The following SEC24A variants were observed in gnomAD, a reference collection of about 807,000 sequenced individuals.
SEC24A encodes protein transport protein Sec24A.
A neutral mutation model predicts 129.4 loss-of-function variants in SEC24A; 93 were observed. The ratio of observed to expected loss-of-function variants is 0.72; its 90% CI spans 0.61 to 0.85. The LOEUF is 0.85. Among genes scored for constraint, SEC24A ranks in the 40% least tolerant of loss-of-function variants. The pLI is 0.00. For missense variants in SEC24A, 1,264 were observed against 1,307.4 expected (o/e 0.97, Z 0.51); for synonymous variants, 460 against 467.3 (o/e 0.98, Z 0.20).
chr5:134,705,503 G>C lies in SEC24A; in HGVS notation c.2551+66G>C, dbSNP rs148628074. On this transcript the variant is annotated intron_variant, in intron 17 of 22. Coordinates refer to ENST00000398844, the MANE Select transcript of SEC24A (RefSeq NM_021982.3). ...ACATTAGGCACATCCAAACAGTTTT[G>C]TTTTCCTTTAAATAGTTAGCTTTAT... The C allele has an allele frequency of 5.8e-4, 619 of 1,061,692 alleles. 1 individual carries two copies. Among genetic ancestry groups the C allele is most frequent in the African/African-American group, 4.3e-3 (272 of 63,180 alleles). The allele number at this position is 1,061,692 out of a possible 1,614,324, so 65.8% of individuals were successfully genotyped here.
chr5:134,727,367 G>A lies in SEC24A; in HGVS notation c.*2273G>A, dbSNP rs1437738243. 6.6e-6 allele frequency: 1 copy of A among 152,426 alleles called. No individual in the cohort carries two copies. The highest frequency in any genetic ancestry group is 1.5e-5 in the Non-Finnish European group (1 of 67,980). 9.4% of individuals were successfully genotyped at this position (152,426 alleles called of 1,614,324 possible). A position where few individuals can be genotyped will look rare whatever the true frequency, so the allele number is the denominator to read the frequency against. ...GAGCATGGCAGTTCTACCATAAAAA[G>A]TACTCTATTTTTCTAATTTCTAGGA... On this transcript the variant is annotated 3_prime_UTR_variant, in exon 23 of 23. Coordinates refer to ENST00000398844, the MANE Select transcript of SEC24A (RefSeq NM_021982.3).
At chr5:134,723,879 CTAAT>C (rs1240753683) in intron 22 of SEC24A, among the ~76,000 whole-genome samples, 2 of 152,158 alleles carry the variant, frequency 1.3e-5, no homozygotes, top group Non-Finnish European at 2.9e-5. Context: ...ATGGGGTACA[CTAAT>C]TTATTGATAC....
chr5:134,704,758 G>T (rs1752101424), intron 16 of SEC24A, among the ~76,000 whole-genome samples: 1 of 150,608 alleles, frequency 6.6e-6, no homozygotes, highest in Admixed American at 6.7e-5. Context: ...AGTTATGATT[G>T]TGCCACTGCA....
rs375406030 is a variant in SEC24A, at chr5:134,723,675, G to A, written c.3167+5G>A. On this transcript the variant is annotated splice_donor_5th_base_variant and intron_variant, in intron 22 of 22. Coordinates refer to ENST00000398844, the MANE Select transcript of SEC24A (RefSeq NM_021982.3). ...CCCAATACTTTATGTAATAAGGTAAGTTGAATTTTCCATTTGCTAGTAGTA... is the reference window on the plus strand; with the variant it reads ...CCCAATACTTTATGTAATAAGGTAAATTGAATTTTCCATTTGCTAGTAGTA... 2 of 1,548,220 alleles carry A rather than the reference G, an allele frequency of 1.3e-6. No individual in the cohort carries two copies. Among genetic ancestry groups the A allele is most frequent in the Non-Finnish European group, 1.8e-6 (2 of 1,121,430 alleles).
At chr5:134,659,265 G>A (rs910777120) in intron 1 of SEC24A, among the ~76,000 whole-genome samples, 3 of 151,824 alleles carry the variant, frequency 2.0e-5, no homozygotes, top group African/African-American at 7.3e-5. Flanking sequence ...GTAGAGATGG[G>A]GTTTCACCAT....
chr5:134,649,840 A>G (rs1381504072), intron 1 of SEC24A, among the ~76,000 whole-genome samples: 1 of 152,196 alleles, frequency 6.6e-6, no homozygotes, highest in East Asian at 1.9e-4. Flanking sequence ...ATTTGATGTG[A>G]GAATGTCTTA....
chr5:134,719,312 G>T (rs1752566172), intron 20 of SEC24A, among the ~76,000 whole-genome samples: 1 of 150,868 alleles, frequency 6.6e-6, no homozygotes, highest in Non-Finnish European at 1.5e-5. Flanking sequence ...AGCTGGGGAG[G>T]CTGAGGCTTC....
chr5:134,703,703 G>A (rs2150104711), intron 15 of SEC24A, 56 bp from the exon 16 acceptor site: 2 of 1,144,930 alleles, frequency 1.7e-6, no homozygotes, highest in Non-Finnish European at 2.6e-6. Flanking sequence ...AGGATAAAAT[G>A]TAAATATCAG....
At chr5:134,709,574 G>A (rs770767906) in intron 18 of SEC24A, among the ~76,000 whole-genome samples, 6 of 152,260 alleles carry the variant, frequency 3.9e-5, no homozygotes, top group Admixed American at 2.6e-4. Context: ...TCAAACACAC[G>A]GAAGCAGAAA....
At chr5:134,703,122 C>A (rs1473621647) in intron 15 of SEC24A, among the ~76,000 whole-genome samples, 1 of 151,968 alleles carries the variant, frequency 6.6e-6, no homozygotes, top group Non-Finnish European at 1.5e-5. Flanking sequence ...CTGTGACACA[C>A]CAGTCTACTT....
chr5:134,705,084 ATATATATT>A (rs1752115206), intron 16 of SEC24A, among the ~76,000 whole-genome samples: 2 of 128,988 alleles, frequency 1.6e-5, no homozygotes, highest in Non-Finnish European at 3.2e-5. Flanking sequence ...ATATATATAT[ATATATATT>A]TTTTTTTTTT....
chr5:134,674,778 A>C lies in SEC24A; in HGVS notation c.978+3A>C. On this transcript the variant is annotated splice_donor_region_variant and intron_variant, in intron 5 of 22. Coordinates refer to ENST00000398844, the MANE Select transcript of SEC24A (RefSeq NM_021982.3). ...GTGGGCCACAAGCCTTTACTCAGGT[A>C]AACTTTTTGGGATTTTCTTTAACCT... 6.2e-7 allele frequency: 1 copy of C among 1,610,088 alleles called. No homozygotes were observed. The highest frequency in any genetic ancestry group is 8.5e-7 in the Non-Finnish European group (1 of 1,178,524).
chr5:134,697,044 A>G (rs1423509323), intron 13 of SEC24A, 82 bp from the exon 14 acceptor site: 14 of 750,726 alleles, frequency 1.9e-5, no homozygotes, highest in Non-Finnish European at 2.3e-5. Context: ...TGTTAACATC[A>G]TGATGTATGT....
intron 1 of SEC24A, among the ~76,000 whole-genome samples, chr5:134,656,947 G>A (rs923516594): frequency 2.0e-5 from 3 of 151,666 alleles, no homozygotes; most frequent in African/African-American, 7.3e-5. Context: ...TACTTTGGGA[G>A]GTCGAGTCAA....
intron 14 of SEC24A, 148 bp downstream of exon 14, chr5:134,697,394 T>C (rs1751861417): frequency 4.8e-6 from 3 of 631,226 alleles, no homozygotes; most frequent in African/African-American, 3.6e-5. Flanking sequence ...AAAAACCTTA[T>C]AGTCTTCTAC....
At position 134,715,084 on chromosome 5, in the gene SEC24A, G is replaced by A; in HGVS notation, c.2788G>A (p.Val930Met). 1 of 1,612,434 alleles carries A rather than the reference G, an allele frequency of 6.2e-7. No individual in the cohort carries two copies. Among genetic ancestry groups the A allele is most frequent in the Non-Finnish European group, 8.5e-7 (1 of 1,179,614 alleles). ...TGAACGCATTTTTGCTATGTGTCAA[G>A]TGAAAAACCAGCCCTTGGTTTACCT... The part of the protein sequence containing the change: ...LDERIFAMCQ[V>M]KNQPLVYLML... Residue 930 changes from valine (V) to methionine (M), a missense_variant, in exon 19 of 23, where the codon GTG becomes ATG. Transcript: ENST00000398844.
chr5:134,705,581 A>T, intron 17 of SEC24A, 144 bp downstream of exon 17: 1 of 541,388 alleles, frequency 1.8e-6, no homozygotes, highest in Non-Finnish European at 3.3e-6. Flanking sequence ...ATTTGAAAAG[A>T]TCTGCTGCAG....
In SEC24A at chr5:134,692,716, G is replaced by A. The variant is rs924083983; in HGVS notation, c.1779+59G>A. Reference sequence around the variant, plus strand: ...TGAAATATTGAAGGAATATGTTTTTGAAATGAACTTTAAGTAAAATTTTGA... The same window carrying A: ...TGAAATATTGAAGGAATATGTTTTTAAAATGAACTTTAAGTAAAATTTTGA... On this transcript the variant is annotated intron_variant, in intron 12 of 22. Transcript: ENST00000398844. The A allele has an allele frequency of 2.9e-6, 3 of 1,023,844 alleles. No individual in the cohort carries two copies. In the African/African-American group the frequency reaches 4.8e-5, roughly 16 times the overall value. The allele number at this position is 1,023,844 out of a possible 1,614,324, so 63.4% of individuals were successfully genotyped here. A position where few individuals can be genotyped will look rare whatever the true frequency, so the allele number is the denominator to read the frequency against.
chr5:134,708,905 T>A lies in SEC24A; in HGVS notation c.2727+17T>A. The A allele has an allele frequency of 6.2e-7, 1 of 1,608,902 alleles. No homozygotes were observed. The highest frequency in any genetic ancestry group is 8.5e-7 in the Non-Finnish European group (1 of 1,177,670). The stretch of plus-strand genomic sequence containing the variant: ...CTTAAACAGGTAAGAAAAACAGATA[T>A]AGAAACTAACACAATGATGGCCAGG... On this transcript the variant is annotated intron_variant, in intron 18 of 22. Transcript: ENST00000398844.
Sources: allele counts gnomAD v4.1 joint callset (sites outside exome capture counted in the v4.1 genomes callset), GRCh38; gene constraint gnomAD v4.1.1; transcripts MANE v1.5; gene names NCBI Gene and HGNC (gene_info 2026-07-23, HGNC 2026-07-21).